The following PDLIM5 variants were observed in gnomAD, a reference collection of about 807,000 sequenced individuals.
PDLIM5 encodes the protein PDZ and LIM domain 5.
PDLIM5 carries 34 observed loss-of-function variants against 64.2 expected under a neutral mutation model. The ratio of observed to expected loss-of-function variants is 0.53; its 90% confidence interval spans 0.40 to 0.71. The LOEUF (loss-of-function observed/expected upper bound fraction) is 0.71, where lower values mean the gene tolerates loss of function less well. Among genes scored for constraint, PDLIM5 ranks in the 30% least tolerant of loss-of-function variants. The pLI is 0.00. For missense variants in PDLIM5, 683 were observed against 733.6 expected (o/e 0.93, Z 0.80); for synonymous variants, 253 against 269.1 (o/e 0.94, Z 0.59).
intron 3 of PDLIM5, among the ~76,000 whole-genome samples, chr4:94,566,809 G>A (rs1231462661): frequency 6.6e-6 from 1 of 152,196 alleles, no homozygotes; most frequent in African/African-American, 2.4e-5. Flanking sequence ...AATTGTGCTT[G>A]CTGATACTAC....
intron 8 of PDLIM5, among the ~76,000 whole-genome samples, chr4:94,631,820 T>A (rs906852613): frequency 6.6e-6 from 1 of 152,188 alleles, no homozygotes; most frequent in Non-Finnish European, 1.5e-5. Flanking sequence ...CCCTAAGGTA[T>A]TTGTGTTATT....
At chr4:94,467,417 C>A (rs1417909604) in intron 2 of PDLIM5, among the ~76,000 whole-genome samples, 1 of 151,662 alleles carries the variant, frequency 6.6e-6, no homozygotes, top group East Asian at 1.9e-4. Context: ...CGGCTTCAAG[C>A]AATTCTGTGC....
At chr4:94,597,762 T>A (rs1438520045) in intron 7 of PDLIM5, among the ~76,000 whole-genome samples, 1 of 152,090 alleles carries the variant, frequency 6.6e-6, no homozygotes, top group Non-Finnish European at 1.5e-5. Context: ...AAGGAAAATA[T>A]AGTACTGATT....
At chr4:94,620,019 C>T (rs1739095168) in intron 8 of PDLIM5, among the ~76,000 whole-genome samples, 1 of 152,090 alleles carries the variant, frequency 6.6e-6, no homozygotes, top group Non-Finnish European at 1.5e-5. Context: ...TCATTTAGGA[C>T]CTTTTATACT....
chr4:94,617,960 G>A (rs376692015), intron 7 of PDLIM5, 44 bp from the exon 8 acceptor site: 17 of 1,074,670 alleles, frequency 1.6e-5, no homozygotes, highest in African/African-American at 1.3e-4. Context: ...GCTGAGTTAC[G>A]TTGCTACCAC....
Position 94,662,433 on chromosome 4 carries a change from C to T in PDLIM5, c.1597C>T (p.Leu533Phe), listed in dbSNP as rs114255444. The T allele has an allele frequency of 6.6e-7, 1 of 1,517,218 alleles. No individual in the cohort carries two copies. Among genetic ancestry groups the T allele is most frequent in the Non-Finnish European group, 9.2e-7 (1 of 1,091,740 alleles). 94.0% of individuals were successfully genotyped at this position (1,517,218 alleles called of 1,614,324 possible). Reference sequence around the variant, plus strand: ...CTCCCTTAATACAGATTATTATGCCCTCTTTGGTACTATATGCCATGGATG... The same window carrying T: ...CTCCCTTAATACAGATTATTATGCCTTCTTTGGTACTATATGCCATGGATG... ...EPYCETDYYALFGTICHGCEF... is the reference protein window; with the variant it reads ...EPYCETDYYAFFGTICHGCEF... The change falls in exon 12 of 13, where the codon CTC becomes TTC. Residue 533 changes from leucine to phenylalanine, a missense_variant. By Grantham distance (22) the Leu-to-Phe change is conservative. Coordinates refer to ENST00000317968, the MANE Select transcript of PDLIM5 (RefSeq NM_006457.5).
intron 7 of PDLIM5, chr4:94,587,156 A>T (rs1233443048): frequency 6.6e-7 from 1 of 1,511,656 alleles, no homozygotes; most frequent in African/African-American, 1.4e-5. Context: ...TTCATAGCAA[A>T]ATCTGTATTA....
Position 94,662,433 on chromosome 4 carries a change from C to A in PDLIM5, c.1597C>A (p.Leu533Ile). The change falls in exon 12 of 13, where the codon CTC becomes ATC. Residue 533 changes from leucine (L) to isoleucine (I), a missense_variant. Transcript: ENST00000317968. The stretch of plus-strand genomic sequence containing the variant: ...CTCCCTTAATACAGATTATTATGCC[C>A]TCTTTGGTACTATATGCCATGGATG... ...EPYCETDYYALFGTICHGCEF... is the reference protein window; with the variant it reads ...EPYCETDYYAIFGTICHGCEF... 6.6e-7 allele frequency: 1 copy of A among 1,517,216 alleles called. No homozygotes were observed. The highest frequency in any genetic ancestry group is 9.2e-7 in the Non-Finnish European group (1 of 1,091,740). 94.0% of individuals were successfully genotyped at this position (1,517,216 alleles called of 1,614,324 possible).
At chr4:94,458,530 A>T (rs1008818711) in intron 2 of PDLIM5, among the ~76,000 whole-genome samples, 3 of 152,190 alleles carry the variant, frequency 2.0e-5, no homozygotes, top group African/African-American at 7.2e-5. Flanking sequence ...AAGAAAGGAA[A>T]AAAAATCAGA....
intron 3 of PDLIM5, among the ~76,000 whole-genome samples, chr4:94,543,778 CTGTGTGTGTGTGTGTGTGTG>C (rs60929032): frequency 0.015 from 2,032 of 132,130 alleles, 54 homozygotes; most frequent in African/African-American, 0.049. Context: ...TAGTATTCCA[CTGTGTGTGTGTGTGTGTGTG>C]TGTGTGTGTG....
At chr4:94,581,327 A>G (rs1299366502) in intron 5 of PDLIM5, among the ~76,000 whole-genome samples, 1 of 152,166 alleles carries the variant, frequency 6.6e-6, no homozygotes, top group Non-Finnish European at 1.5e-5. Flanking sequence ...CCGCTCCACC[A>G]CACCATTGAA....
chr4:94,485,406 T>G (rs995758486), intron 2 of PDLIM5, among the ~76,000 whole-genome samples: 1 of 152,204 alleles, frequency 6.6e-6, no homozygotes, highest in Non-Finnish European at 1.5e-5. Context: ...AGCTATGTCA[T>G]CAAGCAATAT....
At chr4:94,536,416 G>T (rs1344638349) in intron 3 of PDLIM5, among the ~76,000 whole-genome samples, 1 of 152,166 alleles carries the variant, frequency 6.6e-6, no homozygotes, top group Non-Finnish European at 1.5e-5. Flanking sequence ...GTTTTAAAAT[G>T]AGAAGTACTC....
At chr4:94,573,769 T>G (rs1735011512) in intron 4 of PDLIM5, 1 of 204,732 alleles carries the variant, frequency 4.9e-6, no homozygotes, top group Non-Finnish European at 1.0e-5. Context: ...AATAAGTGCT[T>G]AATTACATTT....
intron 5 of PDLIM5, chr4:94,579,548 A>G: frequency 7.3e-7 from 1 of 1,368,970 alleles, no homozygotes; most frequent in Non-Finnish European, 1.0e-6. Flanking sequence ...GTTAGTATCC[A>G]CATTACTGGA....
intron 3 of PDLIM5, among the ~76,000 whole-genome samples, chr4:94,541,467 G>A (rs1731798553): frequency 6.6e-6 from 1 of 152,170 alleles, no homozygotes; most frequent in African/African-American, 2.4e-5. Context: ...AATAAATGAA[G>A]CTGATAAGCA....
chr4:94,567,498 G>A (rs1734441150), intron 3 of PDLIM5, among the ~76,000 whole-genome samples: 1 of 129,296 alleles, frequency 7.7e-6, no homozygotes, highest in African/African-American at 3.4e-5. Flanking sequence ...TGCAATTCTA[G>A]TACAGATTGA....
At chr4:94,545,798 T>C (rs1417002812) in intron 3 of PDLIM5, among the ~76,000 whole-genome samples, 1 of 152,228 alleles carries the variant, frequency 6.6e-6, no homozygotes, top group Non-Finnish European at 1.5e-5. Context: ...AGCCTATTTG[T>C]TAAGGTCATG....
chr4:94,541,570 T>G (rs1731809127), intron 3 of PDLIM5, among the ~76,000 whole-genome samples: 1 of 152,230 alleles, frequency 6.6e-6, no homozygotes, highest in South Asian at 2.1e-4. Flanking sequence ...GCCATAGCCC[T>G]CTGCAGGGAG....
Sources: allele counts gnomAD v4.1 joint callset (sites outside exome capture counted in the v4.1 genomes callset), GRCh38; gene constraint gnomAD v4.1.1; transcripts MANE v1.5; gene names NCBI Gene and HGNC (gene_info 2026-07-23, HGNC 2026-07-21).